The following ZFHX4 variants were observed in gnomAD, a reference collection of about 807,000 sequenced individuals.
The protein encoded by ZFHX4 is zinc finger homeobox protein 4.
In ZFHX4, 56 loss-of-function variants were observed where a neutral mutation model predicts 267.6. The ratio of observed to expected loss-of-function variants is 0.21; its 90% CI spans 0.17 to 0.26. The LOEUF is 0.26. ZFHX4 is among the 10% of genes least tolerant of loss of function. ZFHX4 has a pLI of 1.00. For synonymous variants in ZFHX4, 1,778 were observed against 1,665.6 expected (o/e 1.07, Z -1.64); for missense variants, 4,332 against 4,420.0 (o/e 0.98, Z 0.56).
chr8:76,718,879 C>A (rs2131635666), intron 3 of ZFHX4, among the ~76,000 whole-genome samples: 1 of 151,250 alleles, frequency 6.6e-6, no homozygotes, highest in South Asian at 2.1e-4. Context: ...TTAATTACAG[C>A]AGCTTGATAA....
chr8:76,855,294 T>G lies in ZFHX4; in HGVS notation c.8373T>G (p.Ala2791=). 6.2e-7 allele frequency: 1 copy of G among 1,613,442 alleles called. No homozygotes were observed. Among genetic ancestry groups the G allele is most frequent in the Non-Finnish European group, 8.5e-7 (1 of 1,179,744 alleles). Residue 2791 remains alanine (A), a synonymous_variant, in exon 10 of 11, where the codon GCT becomes GCG. Transcript: ENST00000651372. ...VENLNAPPAE[A]GYDQNKTDFD... ...ATTTAAATGCCCCTCCTGCTGAGGCTGGGTATGATCAAAATAAAACCGATT... is the reference window on the plus strand; with the variant it reads ...ATTTAAATGCCCCTCCTGCTGAGGCGGGGTATGATCAAAATAAAACCGATT...
intron 3 of ZFHX4, among the ~76,000 whole-genome samples, chr8:76,724,250 G>T (rs1037510028): frequency 6.6e-6 from 1 of 151,926 alleles, no homozygotes; most frequent in Admixed American, 6.6e-5. Context: ...AGATCTTAAG[G>T]CTCCAAGAGA....
At position 76,863,074 on chromosome 8, in the gene ZFHX4, C is replaced by G; in HGVS notation, c.9380-20C>G. 6.7e-7 allele frequency: 1 copy of G among 1,487,286 alleles called. No homozygotes were observed. The highest frequency in any genetic ancestry group is 8.9e-7 in the Non-Finnish European group (1 of 1,117,798). 92.1% of individuals were successfully genotyped at this position (1,487,286 alleles called of 1,614,324 possible). On this transcript the variant is annotated intron_variant, in intron 10 of 10. Coordinates refer to ENST00000651372, the MANE Select transcript of ZFHX4 (RefSeq NM_024721.5). ...TGGTCTGTACATTGACAGTGGCCATCTCTCTGTTGTTGTTTTCAGCTTTAA... is the reference window on the plus strand; with the variant it reads ...TGGTCTGTACATTGACAGTGGCCATGTCTCTGTTGTTGTTTTCAGCTTTAA...
intron 4 of ZFHX4, among the ~76,000 whole-genome samples, chr8:76,817,784 G>A (rs1174718821): frequency 6.6e-6 from 1 of 152,156 alleles, no homozygotes; most frequent in East Asian, 1.9e-4. Flanking sequence ...GTCCCATTGA[G>A]CAAGAATACC....
chr8:76,695,360 G>T (rs538322075), intron 1 of ZFHX4, among the ~76,000 whole-genome samples: 2 of 152,256 alleles, frequency 1.3e-5, no homozygotes, highest in East Asian at 1.9e-4. Flanking sequence ...TGCATGAAAA[G>T]AATTTCAATC....
chr8:76,687,503 A>G (rs993752550), intron 1 of ZFHX4, among the ~76,000 whole-genome samples: 1 of 152,216 alleles, frequency 6.6e-6, no homozygotes, highest in Non-Finnish European at 1.5e-5. Flanking sequence ...TTTCTGATTA[A>G]TAGACCAGAG....
Position 76,863,212 on chromosome 8 carries a change from A to G in ZFHX4, c.9498A>G (p.Pro3166=), listed in dbSNP as rs1563570203. ...KPLLQTPPPP[P]PPPPPPPSSS... is the part of the protein sequence containing the mutation. ...TGCTGCAGACTCCACCACCTCCACC[A>G]CCTCCTCCTCCTCCTCCTCCTTCAT... The change falls in exon 11 of 11, where the codon CCA becomes CCG. Residue 3166 remains proline (P), a synonymous_variant. Coordinates refer to ENST00000651372, the MANE Select transcript of ZFHX4 (RefSeq NM_024721.5). 1 of 1,572,660 alleles carries G rather than the reference A, an allele frequency of 6.4e-7. No individual in the cohort carries two copies. Among genetic ancestry groups the G allele is most frequent in the African/African-American group, 1.4e-5 (1 of 73,482 alleles).
In ZFHX4 at chr8:76,851,185, C is replaced by T. The variant is rs543530017; in HGVS notation, c.4264C>T (p.Arg1422Trp). 58 of 1,613,884 alleles carry T rather than the reference C, an allele frequency of 3.6e-5. No homozygotes were observed. Among genetic ancestry groups the T allele is most frequent in the South Asian group, 3.1e-4 (28 of 91,076 alleles). ...GATACATTCCCAGTATCATGCAATT[C>T]GGGCTGCGACAATGTGTAACCTCTG... ...LQIHSQYHAI[R>W]AATMCNLCQR... is the part of the protein sequence containing the mutation. The change falls in exon 10 of 11, where the codon CGG becomes TGG. Residue 1422 changes from arginine (R) to tryptophan (W), a missense_variant. Physicochemically the swap from Arg to Trp is moderately radical, Grantham distance 101. Coordinates refer to ENST00000651372, the MANE Select transcript of ZFHX4 (RefSeq NM_024721.5).
intron 1 of ZFHX4, among the ~76,000 whole-genome samples, chr8:76,701,355 A>G (rs956470572): frequency 6.6e-6 from 1 of 152,126 alleles, no homozygotes; most frequent in African/African-American, 2.4e-5. Flanking sequence ...TATTGCGAAG[A>G]AATTGATTGG....
intron 4 of ZFHX4, among the ~76,000 whole-genome samples, chr8:76,814,061 G>C (rs1320430557): frequency 6.6e-6 from 1 of 151,812 alleles, no homozygotes; most frequent in Non-Finnish European, 1.5e-5. Flanking sequence ...CCGTAACATT[G>C]TCTTTTTTTA....
At chr8:76,701,082 C>T (rs1469562398) in intron 1 of ZFHX4, among the ~76,000 whole-genome samples, 1 of 152,094 alleles carries the variant, frequency 6.6e-6, no homozygotes, top group Non-Finnish European at 1.5e-5. Flanking sequence ...AGTGAAATCA[C>T]TTAGCATCAT....
chr8:76,726,828 CAG>C (rs1451543622), intron 3 of ZFHX4, among the ~76,000 whole-genome samples: 2 of 152,220 alleles, frequency 1.3e-5, no homozygotes, highest in East Asian at 3.9e-4. Context: ...TCTCATAAAG[CAG>C]AGAGTCCAAA....
chr8:76,704,606 C>A lies in ZFHX4; in HGVS notation c.518C>A (p.Ala173Asp). ...ATGTTCCTGGACTCCCTGGCATCTG[C>A]TGGAGAGAAGAGTGATCAGTCTGCT... ...TAMFLDSLAS[A>D]GEKSDQSASA... Residue 173 changes from alanine (A) to aspartate (D), a missense_variant, in exon 2 of 11, where the codon GCT (alanine) becomes GAT (aspartate). Ala to Asp is a moderately radical substitution (Grantham distance 126). Coordinates refer to ENST00000651372, the MANE Select transcript of ZFHX4 (RefSeq NM_024721.5). The A allele has an allele frequency of 6.2e-7, 1 of 1,614,016 alleles. No homozygotes were observed. The highest frequency in any genetic ancestry group is 8.5e-7 in the Non-Finnish European group (1 of 1,179,902).
intron 3 of ZFHX4, among the ~76,000 whole-genome samples, chr8:76,760,888 G>A (rs753164451): frequency 3.4e-5 from 5 of 146,420 alleles, no homozygotes; most frequent in African/African-American, 1.0e-4. Flanking sequence ...GTGATCAGGC[G>A]GCTGCACTCC....
chr8:76,706,053 T>C lies in ZFHX4; in HGVS notation c.1965T>C (p.Tyr655=). Residue 655 remains tyrosine (Y), a synonymous_variant, in exon 2 of 11, where the codon TAT becomes TAC. Coordinates refer to ENST00000651372, the MANE Select transcript of ZFHX4 (RefSeq NM_024721.5). ...CTAAATGTAACTGGCACTACAAATA[T>C]CAGCAGACCCTGGAGGCCCATATGA... ...KCPKCNWHYK[Y]QQTLEAHMKE... 1 of 1,613,260 alleles carries C rather than the reference T, an allele frequency of 6.2e-7. No individual in the cohort carries two copies. Among genetic ancestry groups the C allele is most frequent in the South Asian group, 1.1e-5 (1 of 91,014 alleles).
At chr8:76,811,189 G>C (rs1408290814) in intron 4 of ZFHX4, among the ~76,000 whole-genome samples, 1 of 152,152 alleles carries the variant, frequency 6.6e-6, no homozygotes. Context: ...CCCATTTAAA[G>C]CCAGAGCCCC....
chr8:76,742,527 C>A (rs1311110881), intron 3 of ZFHX4, among the ~76,000 whole-genome samples: 1 of 152,084 alleles, frequency 6.6e-6, no homozygotes, highest in Non-Finnish European at 1.5e-5. Context: ...GTTATAATAT[C>A]TGTTCATTTA....
intron 4 of ZFHX4, among the ~76,000 whole-genome samples, chr8:76,814,437 A>G (rs1811451838): frequency 6.6e-6 from 1 of 152,132 alleles, no homozygotes; most frequent in South Asian, 2.1e-4. Flanking sequence ...AAGTTCATTA[A>G]CCTGAGACCC....
At chr8:76,833,123 G>A (rs1811979185) in intron 4 of ZFHX4, among the ~76,000 whole-genome samples, 1 of 152,048 alleles carries the variant, frequency 6.6e-6, no homozygotes, top group South Asian at 2.1e-4. Flanking sequence ...GTTCTGTGCT[G>A]CTAATACTTA....
Sources: gnomAD v4.1 joint callset for allele counts (sites outside exome capture counted in the v4.1 genomes callset) on GRCh38, gnomAD v4.1.1 for gene constraint, MANE v1.5 for transcripts, NCBI Gene and HGNC (gene_info 2026-07-23, HGNC 2026-07-21) for gene names.